RC3H1: variants seen among roughly 807,000 people sequenced by gnomAD.
RC3H1 encodes the protein ring finger and CCCH-type domains 1.
Under a neutral mutation model 138.2 loss-of-function variants are expected in RC3H1, and 50 were observed. The observed-to-expected ratio is 0.36, with a 90% CI of 0.29 to 0.46. The LOEUF (loss-of-function observed/expected upper bound fraction) is 0.46, where lower values mean the gene tolerates loss of function less well. Among genes scored for constraint, RC3H1 ranks in the 20% least tolerant of loss-of-function variants. RC3H1 has a pLI of 1.00. For missense variants in RC3H1, 1,031 were observed against 1,388.1 expected, an observed-to-expected ratio of 0.74 and a Z score of 4.09; for synonymous variants, 462 against 489.1, an observed-to-expected ratio of 0.94 and a Z score of 0.73.
chr1:173,948,191 C>T (rs1018934004), intron 14 of RC3H1, among the ~76,000 whole-genome samples: 5 of 151,964 alleles, frequency 3.3e-5, no homozygotes, highest in Non-Finnish European at 7.4e-5. Flanking sequence ...GCCAGTTTTC[C>T]AAAAAACAGG....
intron 4 of RC3H1, chr1:173,983,133 T>C: frequency 2.1e-6 from 1 of 475,444 alleles, no homozygotes; most frequent in Admixed American, 3.9e-5. Flanking sequence ...GAAAAACTTC[T>C]ATCAAAATGA....
intron 13 of RC3H1, 74 bp from the exon 14 acceptor site, chr1:173,952,212 T>C (rs1172535002): frequency 4.8e-6 from 5 of 1,050,252 alleles, no homozygotes; most frequent in East Asian, 2.8e-5. Flanking sequence ...GGTCTATGAG[T>C]AACAAGACAG....
At chr1:173,952,163 C>CAAAAAAAAAAAAAAAAAAAAAAAA (rs74263815) in intron 13 of RC3H1, 25 bp from the exon 14 acceptor site, 8 of 948,932 alleles carry the variant, frequency 8.4e-6, no homozygotes, top group South Asian at 3.6e-5. Context: ...AGAAAAAAAA[C>CAAAAAAAAAAAAAAAAAAAAAAAA]AAAAAAAAAA....
intron 17 of RC3H1, among the ~76,000 whole-genome samples, chr1:173,945,493 C>T (rs1305852506): frequency 2.0e-5 from 3 of 152,094 alleles, no homozygotes; most frequent in African/African-American, 7.2e-5. Flanking sequence ...AACACTGAAT[C>T]TGGAGTATGA....
At chr1:173,966,093 T>C (rs1166048337) in intron 9 of RC3H1, among the ~76,000 whole-genome samples, 9 of 152,110 alleles carry the variant, frequency 5.9e-5, no homozygotes, top group East Asian at 3.8e-4. Flanking sequence ...TGAGCCAAGA[T>C]TGCACCACTG....
Position 173,936,745 on chromosome 1 carries a change from A to G in RC3H1, c.*1976T>C, listed in dbSNP as rs1658604283. On this transcript the variant is annotated 3_prime_UTR_variant, in exon 20 of 20. Coordinates refer to ENST00000367696, the MANE Select transcript of RC3H1 (RefSeq NM_172071.4). The stretch of plus-strand genomic sequence containing the variant: ...AAAAAGCATACATATATATATATAT[A>G]TATATATATATATATATTTTTTTTT... The G allele has an allele frequency of 3.9e-5, 2 of 51,530 alleles. No individual in the cohort carries two copies. Among genetic ancestry groups the G allele is most frequent in the African/African-American group, 2.7e-4 (2 of 7,504 alleles). The allele number at this position is 51,530 out of a possible 1,614,324, so 3.2% of individuals were successfully genotyped here.
intron 7 of RC3H1, among the ~76,000 whole-genome samples, chr1:173,975,524 T>C (rs1660537872): frequency 7.0e-6 from 1 of 142,334 alleles, no homozygotes. Context: ...TTGTTAATTA[T>C]AATATGTCTT....
intron 1 of RC3H1, among the ~76,000 whole-genome samples, chr1:174,012,843 T>C (rs952051676): frequency 2.0e-5 from 3 of 151,130 alleles, no homozygotes; most frequent in African/African-American, 7.3e-5. Flanking sequence ...ATCTAGATTC[T>C]AATACCAACT....
chr1:173,987,770 T>G (rs978866930), intron 2 of RC3H1, among the ~76,000 whole-genome samples: 9 of 152,146 alleles, frequency 5.9e-5, no homozygotes, highest in African/African-American at 2.2e-4. Context: ...ACGAGATATC[T>G]CGTATATCTA....
At chr1:174,004,467 A>G (rs1661616872) in intron 1 of RC3H1, among the ~76,000 whole-genome samples, 1 of 152,052 alleles carries the variant, frequency 6.6e-6, no homozygotes, top group Admixed American at 6.6e-5. Flanking sequence ...TATATAGGTT[A>G]GCAAATCAAT....
chr1:174,006,080 G>T (rs766596158), intron 1 of RC3H1, among the ~76,000 whole-genome samples: 3 of 152,132 alleles, frequency 2.0e-5, no homozygotes, highest in Non-Finnish European at 4.4e-5. Flanking sequence ...GGTAGTGGGT[G>T]CCTGTAATCC....
Position 173,943,534 on chromosome 1 carries a change from T to C in RC3H1, c.3043A>G (p.Lys1015Glu), listed in dbSNP as rs1242069193. 1.2e-6 allele frequency: 2 copies of C among 1,614,168 alleles called. No individual in the cohort carries two copies. Among genetic ancestry groups the C allele is most frequent in the South Asian group, 1.1e-5 (1 of 91,086 alleles). The change falls in exon 18 of 20, where the codon AAA becomes GAA. Residue 1015 changes from lysine to glutamate, a missense_variant. Physicochemically the swap from Lys to Glu is moderately conservative, Grantham distance 56. Coordinates refer to ENST00000367696, the MANE Select transcript of RC3H1 (RefSeq NM_172071.4). ...QSQPPPPPPP[K>E]WPGMISSEQL... The stretch of plus-strand genomic sequence containing the variant: ...TCACTTGAGATCATCCCAGGCCATT[T>C]TGGAGGTGGCGGTGGTGGGGGCTGT...
rs753137873 is a variant in RC3H1, at chr1:173,961,230, G to C, written c.2217C>G (p.Ser739Arg). ...GAGGCTGGGGAGGAGGAGGAAGCCG[G>C]CTATAAGGAGGTTCCTAAAAATAGA... ...RPSYLREPPY[S>R]RLPPPPQPHP... Residue 739 changes from serine to arginine, a missense_variant, in exon 13 of 20, where the codon AGC (serine) becomes AGG (arginine). By Grantham distance (110) the Ser-to-Arg change is moderately radical. Coordinates refer to ENST00000367696, the MANE Select transcript of RC3H1 (RefSeq NM_172071.4). 2 of 1,607,496 alleles carry C rather than the reference G, an allele frequency of 1.2e-6. No homozygotes were observed. Among genetic ancestry groups the C allele is most frequent in the South Asian group, 2.2e-5 (2 of 89,478 alleles).
intron 13 of RC3H1, among the ~76,000 whole-genome samples, chr1:173,958,040 T>A (rs1659720189): frequency 6.6e-6 from 1 of 152,252 alleles, no homozygotes; most frequent in Admixed American, 6.5e-5. Context: ...CTATGTGTGA[T>A]GTACTTCTCA....
chr1:173,968,934 C>CT (rs1285857454), intron 9 of RC3H1, among the ~76,000 whole-genome samples: 2 of 149,434 alleles, frequency 1.3e-5, no homozygotes, highest in African/African-American at 5.0e-5. Context: ...TCTCGGCTCA[C>CT]TGCAACCTCC....
chr1:173,951,864 G>A (rs1156290930), intron 14 of RC3H1, 122 bp downstream of exon 14: 8 of 820,248 alleles, frequency 9.8e-6, no homozygotes, highest in Non-Finnish European at 1.3e-5. Flanking sequence ...CAACTGCAGA[G>A]TATAGAATAT....
chr1:173,990,171 G>C (rs1428332663), intron 2 of RC3H1, among the ~76,000 whole-genome samples: 5 of 151,074 alleles, frequency 3.3e-5, no homozygotes, highest in Non-Finnish European at 7.4e-5. Context: ...TCCCTCTCCT[G>C]GGTTCAAGCG....
intron 6 of RC3H1, among the ~76,000 whole-genome samples, chr1:173,979,587 CAG>C (rs1660720778): frequency 6.6e-6 from 1 of 152,118 alleles, no homozygotes; most frequent in South Asian, 2.1e-4. Flanking sequence ...ACCTGGGAGA[CAG>C]AGATTGCAGT....
At chr1:173,965,342 C>A (rs540838264) in intron 9 of RC3H1, among the ~76,000 whole-genome samples, 3 of 152,244 alleles carry the variant, frequency 2.0e-5, no homozygotes, top group African/African-American at 7.2e-5. Context: ...TGCCTGTAAT[C>A]CCAGCACTTT....
Sources: allele counts gnomAD v4.1 joint callset (sites outside exome capture counted in the v4.1 genomes callset), GRCh38; gene constraint gnomAD v4.1.1; transcripts MANE v1.5; gene names NCBI Gene and HGNC (gene_info 2026-07-23, HGNC 2026-07-21).